The following HTRA2 variants were observed in gnomAD, a reference collection of about 807,000 sequenced individuals.
HTRA2 encodes serine protease HTRA2, mitochondrial.
HTRA2 carries 24 observed loss-of-function variants against 42.2 expected under a neutral mutation model. That is an observed-to-expected ratio of 0.57 (90% CI 0.41 to 0.80). The LOEUF is 0.80. HTRA2 is among the 30% of genes least tolerant of loss of function. HTRA2 has a pLI of 0.00. For synonymous variants in HTRA2, 245 were observed against 255.8 expected (o/e 0.96, Z 0.40); for missense variants, 466 against 613.5 (o/e 0.76, Z 2.54).
intron 6 of HTRA2, 45 bp from the exon 7 acceptor site, chr2:74,532,574 G>A: frequency 6.7e-7 from 1 of 1,482,726 alleles, no homozygotes; most frequent in Non-Finnish European, 9.4e-7. Context: ...TCAGGATGGG[G>A]AGAATGCCTG....
In HTRA2 at chr2:74,530,902, C is replaced by T. The variant is rs747148949; in HGVS notation, c.712-9C>T. On this transcript the variant is annotated splice_polypyrimidine_tract_variant and intron_variant, in intron 2 of 7. Transcript: ENST00000258080. This position sits in a 1 kb window ranked among gnomAD's most constrained non-coding sequence, Gnocchi z 7.4. ...AGATGACAGGTCTCTTTTACCCATT[C>T]TCCCTTAGGAGCCTCTCCCCACGCT... is the stretch of plus-strand genomic sequence containing the variant. 2 of 1,614,064 alleles carry T rather than the reference C, an allele frequency of 1.2e-6. No homozygotes were observed. The highest frequency in any genetic ancestry group is 2.7e-5 in the African/African-American group (2 of 74,936).
At position 74,531,926 on chromosome 2, in the gene HTRA2, G is replaced by A; in HGVS notation, c.1115+1G>A. ...TGATGATGCTGACCCTGAGTCCCAGGTATGAGCTTTAGGGACAGTGACATG... is the reference window on the plus strand; with the variant it reads ...TGATGATGCTGACCCTGAGTCCCAGATATGAGCTTTAGGGACAGTGACATG... On this transcript the variant is annotated splice_donor_variant, in intron 6 of 7. Coordinates refer to ENST00000258080, the MANE Select transcript of HTRA2 (RefSeq NM_013247.5). LOFTEE classifies it high-confidence loss of function. 6.2e-7 allele frequency: 1 copy of A among 1,614,074 alleles called. No homozygotes were observed. The highest frequency in any genetic ancestry group is 2.2e-5 in the East Asian group (1 of 44,884).
chr2:74,533,221 C>T lies in HTRA2; in HGVS notation c.*236C>T. The T allele has an allele frequency of 1.8e-6, 1 of 571,360 alleles. No homozygotes were observed. Among genetic ancestry groups the T allele is most frequent in the Middle Eastern group, 4.6e-4 (1 of 2,174 alleles). 35.4% of individuals were successfully genotyped at this position (571,360 alleles called of 1,614,324 possible). A position where few individuals can be genotyped will look rare whatever the true frequency, so the allele number is the denominator to read the frequency against. On this transcript the variant is annotated 3_prime_UTR_variant, in exon 8 of 8. Transcript: ENST00000258080. The stretch of plus-strand genomic sequence containing the variant: ...GGTGGGAGGGCTGGATCTTTTCCCC[C>T]ACCAAAAGGCTAGAGGTAAAGCTGT...
At position 74,533,231 on chromosome 2, in the gene HTRA2, C is replaced by A; in HGVS notation, c.*246C>A. Reference sequence around the variant, plus strand: ...CTGGATCTTTTCCCCCACCAAAAGGCTAGAGGTAAAGCTGTATCCCCCTAA... The same window carrying A: ...CTGGATCTTTTCCCCCACCAAAAGGATAGAGGTAAAGCTGTATCCCCCTAA... On this transcript the variant is annotated 3_prime_UTR_variant, in exon 8 of 8. Transcript: ENST00000258080. The A allele has an allele frequency of 1.8e-6, 1 of 566,586 alleles. No individual in the cohort carries two copies. The highest frequency in any genetic ancestry group is 3.1e-5 in the East Asian group (1 of 32,724). 35.1% of individuals were successfully genotyped at this position (566,586 alleles called of 1,614,324 possible).
At chr2:74,532,760 A>C (rs1447155610) in intron 7 of HTRA2, 46 bp downstream of exon 7, 2 of 1,612,526 alleles carry the variant, frequency 1.2e-6, no homozygotes, top group South Asian at 2.2e-5. Context: ...CAAGGTGTGC[A>C]TGTGTCCTTG....
At chr2:74,531,973 A>G (rs1558612956) in intron 6 of HTRA2, 48 bp downstream of exon 6, 1 of 1,539,830 alleles carries the variant, frequency 6.5e-7, no homozygotes, top group Non-Finnish European at 9.0e-7. Flanking sequence ...GTGTAATCAG[A>G]GGGGGGCACC....
Position 74,532,661 on chromosome 2 carries a change from T to C in HTRA2, c.1158T>C (p.Asp386=), listed in dbSNP as rs149488361. The change falls in exon 7 of 8, where the codon GAT becomes GAC. Residue 386 remains aspartate (D), a synonymous_variant. Coordinates refer to ENST00000258080, the MANE Select transcript of HTRA2 (RefSeq NM_013247.5). ...AGCTTCGAGAACCAAGCTTTCCCGA[T>C]GTTCAGCATGGTGTACTCATCCATA... ...ELQLREPSFP[D]VQHGVLIHKV... The C allele has an allele frequency of 3.7e-6, 6 of 1,613,722 alleles. No homozygotes were observed. Among genetic ancestry groups the C allele is most frequent in the East Asian group, 2.2e-5 (1 of 44,890 alleles).
chr2:74,530,401 T>G lies in HTRA2; in HGVS notation c.395T>G (p.Leu132Arg). Residue 132 changes from leucine (L) to arginine (R), a missense_variant, in exon 1 of 8, where the codon CTC becomes CGC. This residue lies in a region of HTRA2 where 222 missense variants were observed against 205.1 expected (regional missense o/e 1.08). Coordinates refer to ENST00000258080, the MANE Select transcript of HTRA2 (RefSeq NM_013247.5). The surrounding 1 kb of genome is among the most constrained non-coding windows in gnomAD (Gnocchi z 7.4). ...WGGGRGPPAV[L>R]AAVPSPPPAS... ...GGGGGTCGGGGTCCTCCGGCCGTCC[T>G]CGCCGCCGTCCCTAGCCCGCCGCCC... The G allele has an allele frequency of 6.3e-7, 1 of 1,595,826 alleles. No individual in the cohort carries two copies. Among genetic ancestry groups the G allele is most frequent in the African/African-American group, 1.3e-5 (1 of 74,738 alleles).
At chr2:74,531,406 C>T (rs1202325439) in intron 4 of HTRA2, 35 bp downstream of exon 4, 12 of 1,612,638 alleles carry the variant, frequency 7.4e-6, no homozygotes, top group Non-Finnish European at 1.0e-5. Flanking sequence ...AGAATCCCTG[C>T]CCCAGGTCAG....
chr2:74,530,800 A>G lies in HTRA2; in HGVS notation c.690A>G (p.Ala230=). Residue 230 remains alanine (A), a synonymous_variant, in exon 2 of 8, where the codon GCA becomes GCG. Coordinates refer to ENST00000258080, the MANE Select transcript of HTRA2 (RefSeq NM_013247.5). The surrounding 1 kb of genome is among the most constrained non-coding windows in gnomAD (Gnocchi z 7.4). Reference sequence around the variant, plus strand: ...CTGTGGATCCCGTGGCAGACATCGCAACGCTGAGGATTCAGACTAAGGTGG... The same window carrying G: ...CTGTGGATCCCGTGGCAGACATCGCGACGCTGAGGATTCAGACTAAGGTGG... The part of the protein sequence containing the change: ...VTAVDPVADI[A]TLRIQTKEPL... 2 of 1,614,174 alleles carry G rather than the reference A, an allele frequency of 1.2e-6. No individual in the cohort carries two copies. The highest frequency in any genetic ancestry group is 1.7e-6 in the Non-Finnish European group (2 of 1,180,034).
chr2:74,533,158 T>G lies in HTRA2; in HGVS notation c.*173T>G. 1.6e-6 allele frequency: 1 copy of G among 623,060 alleles called. No homozygotes were observed. Among genetic ancestry groups the G allele is most frequent in the Non-Finnish European group, 2.8e-6 (1 of 356,360 alleles). 38.6% of individuals were successfully genotyped at this position (623,060 alleles called of 1,614,324 possible). ...TCACAGAAACACTTTTTATATAAAA[T>G]AAAATTATACCTAGCAACATATTAT... On this transcript the variant is annotated 3_prime_UTR_variant, in exon 8 of 8. Coordinates refer to ENST00000258080, the MANE Select transcript of HTRA2 (RefSeq NM_013247.5).
At chr2:74,529,659 GC>G (rs1194090252), upstream of HTRA2, 8 of 1,544,336 alleles carry the variant, frequency 5.2e-6, no homozygotes, top group Non-Finnish European at 7.0e-6. Flanking sequence ...CCCGGCCGTC[GC>G]CGCCGCCGCC....
In HTRA2 at chr2:74,533,243, C is replaced by T; in HGVS notation, c.*258C>T. 1 of 557,858 alleles carries T rather than the reference C, an allele frequency of 1.8e-6. No individual in the cohort carries two copies. Among genetic ancestry groups the T allele is most frequent in the Non-Finnish European group, 3.2e-6 (1 of 313,740 alleles). 34.6% of individuals were successfully genotyped at this position (557,858 alleles called of 1,614,324 possible). A position where few individuals can be genotyped will look rare whatever the true frequency, so the allele number is the denominator to read the frequency against. On this transcript the variant is annotated 3_prime_UTR_variant, in exon 8 of 8. Transcript: ENST00000258080. ...CCCCACCAAAAGGCTAGAGGTAAAG[C>T]TGTATCCCCCTAAACTTAGGGGAGA... is the stretch of plus-strand genomic sequence containing the variant.
At chr2:74,532,053 G>T (rs1291818314) in intron 6 of HTRA2, 128 bp downstream of exon 6, 2 of 913,078 alleles carry the variant, frequency 2.2e-6, no homozygotes, top group Non-Finnish European at 3.5e-6. Context: ...ATAATCACAA[G>T]AGCTGTCTCC....
chr2:74,530,196 G>C lies in HTRA2; in HGVS notation c.190G>C (p.Gly64Arg). The change falls in exon 1 of 8, where the codon GGG becomes CGG. Residue 64 changes from glycine to arginine, a missense_variant. Gly to Arg is a moderately radical substitution (Grantham distance 125). This residue lies in a region of HTRA2 where 222 missense variants were observed against 205.1 expected (regional missense o/e 1.08). Coordinates refer to ENST00000258080, the MANE Select transcript of HTRA2 (RefSeq NM_013247.5). The surrounding 1 kb of genome is among the most constrained non-coding windows in gnomAD (Gnocchi z 7.4). ...TPSLWARLSV[G>R]VTEPRACLTS... ...CAGTCTCTGGGCCCGGTTGTCTGTT[G>C]GGGTCACTGAACCCCGAGCATGCCT... The C allele has an allele frequency of 6.2e-7, 1 of 1,611,250 alleles. No homozygotes were observed. Among genetic ancestry groups the C allele is most frequent in the Non-Finnish European group, 8.5e-7 (1 of 1,179,034 alleles).
chr2:74,531,749 T>C (rs748985261), intron 5 of HTRA2, 47 bp downstream of exon 5: 1 of 1,612,622 alleles, frequency 6.2e-7, no homozygotes. Context: ...GTGGTGGAAA[T>C]AGGGGAAGGG....
Position 74,530,600 on chromosome 2 carries a change from C to T in HTRA2, c.507-17C>T, listed in dbSNP as rs2104368826. On this transcript the variant is annotated splice_polypyrimidine_tract_variant and intron_variant, in intron 1 of 7. Coordinates refer to ENST00000258080, the MANE Select transcript of HTRA2 (RefSeq NM_013247.5). The surrounding 1 kb of genome is among the most constrained non-coding windows in gnomAD (Gnocchi z 7.4). ...GGGTCAGAGCCTCCTCTTATCTGTG[C>T]TTTCCCTCCATTTCAGGCACCCTTT... 6.2e-7 allele frequency: 1 copy of T among 1,613,994 alleles called. No individual in the cohort carries two copies. Among genetic ancestry groups the T allele is most frequent in the South Asian group, 1.1e-5 (1 of 91,088 alleles).
At chr2:74,531,444 C>A (rs769029206) in intron 4 of HTRA2, 73 bp downstream of exon 4, 1 of 1,606,152 alleles carries the variant, frequency 6.2e-7, no homozygotes, top group East Asian at 2.2e-5. Flanking sequence ...TCCCCTAATT[C>A]AAGGATGTTT....
chr2:74,530,826 G>C lies in HTRA2; in HGVS notation c.711+5G>C, dbSNP rs777169304. ...ACGCTGAGGATTCAGACTAAGGTGGGGGCTGGGGTAGGCCAGGTCTGGTTG... is the reference window on the plus strand; with the variant it reads ...ACGCTGAGGATTCAGACTAAGGTGGCGGCTGGGGTAGGCCAGGTCTGGTTG... On this transcript the variant is annotated splice_donor_5th_base_variant and intron_variant, in intron 2 of 7. Transcript: ENST00000258080. This position sits in a 1 kb window ranked among gnomAD's most constrained non-coding sequence, Gnocchi z 7.4. The C allele has an allele frequency of 1.2e-6, 2 of 1,614,074 alleles. No homozygotes were observed. Among genetic ancestry groups the C allele is most frequent in the East Asian group, 4.5e-5 (2 of 44,894 alleles).
Sources: allele counts gnomAD v4.1 joint callset, GRCh38; gene constraint gnomAD v4.1.1; regional missense constraint gnomAD v4.1.1; non-coding constraint Gnocchi (gnomAD v3.1); transcripts MANE v1.5; gene names NCBI Gene and HGNC (gene_info 2026-07-23, HGNC 2026-07-21).